Variants in TNIK observed in about 807,000 individuals in gnomAD.
The protein encoded by TNIK is TRAF2 and NCK-interacting protein kinase.
Under a neutral mutation model 191.3 loss-of-function variants are expected in TNIK, and 49 were observed. The ratio of observed to expected loss-of-function variants is 0.26; its 90% CI spans 0.20 to 0.32. TNIK has a LOEUF of 0.32. TNIK is among the 10% of genes least tolerant of loss of function. The probability of loss-of-function intolerance (pLI) is 1.00; values close to 1 mark genes in which losing one functional copy is unlikely to be tolerated. For synonymous variants in TNIK, 594 were observed against 600.9 expected, an observed-to-expected ratio of 0.99 and a Z score of 0.17; for missense variants, 1,155 against 1,702.3, an observed-to-expected ratio of 0.68 and a Z score of 5.66.
At chr3:171,228,658 T>C (rs554061825) in intron 2 of TNIK, among the ~76,000 whole-genome samples, 1 of 152,348 alleles carries the variant, frequency 6.6e-6, no homozygotes, top group East Asian at 1.9e-4. Context: ...GATTCTGCTA[T>C]AATTCACCTG....
At chr3:171,234,457 A>G (rs943293766) in intron 2 of TNIK, among the ~76,000 whole-genome samples, 1 of 152,176 alleles carries the variant, frequency 6.6e-6, no homozygotes, top group African/African-American at 2.4e-5. Flanking sequence ...ATGGTGCCCA[A>G]GCAATTACTC....
At chr3:171,160,723 CCAACAGGTGA>C (rs1733879797) in intron 11 of TNIK, among the ~76,000 whole-genome samples, 3 of 152,022 alleles carry the variant, frequency 2.0e-5, no homozygotes, top group Admixed American at 6.6e-5. Context: ...ATTCTGAGGT[CCAACAGGTGA>C]CAACAGGAAT....
At chr3:171,220,349 AC>A (rs538101278) in intron 3 of TNIK, among the ~76,000 whole-genome samples, 117 of 152,288 alleles carry the variant, frequency 7.7e-4, no homozygotes, top group Non-Finnish European at 4.1e-4. Context: ...TATGTAGCAA[AC>A]CTGCATGTTC....
chr3:171,139,378 G>GCGCGCACACACACACA (rs35492114), intron 14 of TNIK, 92 bp downstream of exon 14: 5 of 692,884 alleles, frequency 7.2e-6, no homozygotes, highest in African/African-American at 3.8e-5. Flanking sequence ...ACGCACGCGC[G>GCGCGCACACACACACA]CACACACACA....
intron 2 of TNIK, among the ~76,000 whole-genome samples, chr3:171,270,559 T>C (rs1748967947): frequency 6.6e-6 from 1 of 152,166 alleles, no homozygotes; most frequent in African/African-American, 2.4e-5. Flanking sequence ...GTAAAATTCG[T>C]CTCTAATCGC....
chr3:171,293,010 A>G (rs1751863118), intron 2 of TNIK, among the ~76,000 whole-genome samples: 1 of 152,002 alleles, frequency 6.6e-6, no homozygotes. Context: ...ACCCCACTAA[A>G]GTCCTTTTTT....
chr3:171,255,164 A>C (rs1746694782), intron 2 of TNIK, among the ~76,000 whole-genome samples: 1 of 152,208 alleles, frequency 6.6e-6, no homozygotes, highest in African/African-American at 2.4e-5. Context: ...ATGCTGATTC[A>C]ATTTAGACAA....
At chr3:171,437,859 C>T (rs1726215700) in intron 1 of TNIK, among the ~76,000 whole-genome samples, 2 of 152,220 alleles carry the variant, frequency 1.3e-5, no homozygotes, top group South Asian at 2.1e-4. Context: ...AATCTGAGGG[C>T]CTACAATGTG....
In TNIK at chr3:171,214,277, T is replaced by C. The variant is rs577455955; in HGVS notation, c.181-3036A>G. Reference sequence around the variant, plus strand: ...TCACAAAGAGTTCAGCCTCTCACAATATGGCCCATCAAGGGAGATGAGTTA... The same window carrying C: ...TCACAAAGAGTTCAGCCTCTCACAACATGGCCCATCAAGGGAGATGAGTTA... On this transcript the variant is annotated intron_variant, in intron 3 of 32. Transcript: ENST00000436636. Among the ~76,000 whole-genome samples the C allele has an allele frequency of 2.0e-5, 3 of 151,760 alleles. No homozygotes were observed. In the South Asian group the frequency reaches 6.3e-4, roughly 32 times the overall value.
At chr3:171,102,914 T>C (rs991610480) in intron 21 of TNIK, among the ~76,000 whole-genome samples, 6 of 152,182 alleles carry the variant, frequency 3.9e-5, no homozygotes, top group Non-Finnish European at 7.4e-5. Context: ...CAAAACATTG[T>C]TTCTCTACTG....
chr3:171,194,262 G>T (rs1460831828), intron 5 of TNIK, among the ~76,000 whole-genome samples: 1 of 152,110 alleles, frequency 6.6e-6, no homozygotes, highest in Non-Finnish European at 1.5e-5. Flanking sequence ...TGAATCCCTT[G>T]TTAAGAGAAA....
chr3:171,261,480 C>T (rs1383041682), intron 2 of TNIK, among the ~76,000 whole-genome samples: 1 of 152,146 alleles, frequency 6.6e-6, no homozygotes, highest in African/African-American at 2.4e-5. Context: ...AGAACCCCAG[C>T]AGGAATGATA....
At chr3:171,198,393 G>T (rs555192571) in intron 4 of TNIK, among the ~76,000 whole-genome samples, 2 of 152,138 alleles carry the variant, frequency 1.3e-5, no homozygotes, top group Non-Finnish European at 2.9e-5. Flanking sequence ...GGTGTAGGGG[G>T]TAACAGGAAT....
intron 2 of TNIK, among the ~76,000 whole-genome samples, chr3:171,342,721 A>G (rs541423703): frequency 3.9e-5 from 6 of 152,360 alleles, no homozygotes; most frequent in African/African-American, 1.2e-4. Context: ...CAAATCTCCT[A>G]TGCAGAAGAA....
At chr3:171,395,924 T>G (rs1720174226) in intron 1 of TNIK, among the ~76,000 whole-genome samples, 1 of 152,180 alleles carries the variant, frequency 6.6e-6, no homozygotes, top group Non-Finnish European at 1.5e-5. Context: ...CCTTGCTTTT[T>G]AAAAAACAGG....
chr3:171,342,192 G>A (rs566528204), intron 2 of TNIK, among the ~76,000 whole-genome samples: 1 of 152,310 alleles, frequency 6.6e-6, no homozygotes, highest in Admixed American at 6.5e-5. Flanking sequence ...TGGAGGGTTT[G>A]TTACCCACAA....
intron 21 of TNIK, among the ~76,000 whole-genome samples, chr3:171,104,679 T>G (rs189211999): frequency 2.4e-3 from 370 of 152,308 alleles, no homozygotes; most frequent in African/African-American, 8.2e-3. Flanking sequence ...ATTAGTTCAA[T>G]TTTTGAACTA....
In TNIK at chr3:171,231,317, G is replaced by GTTT. The variant is rs569192908; in HGVS notation, c.124-3099_124-3097dup. ...TTTGTTTTGTTGTTGTTGTTGTTTT[G>GTTT]TTTTTTTTTTTGTTTTTTTAAGTAG... On this transcript the variant is annotated intron_variant, in intron 2 of 32. Coordinates refer to ENST00000436636, the MANE Select transcript of TNIK (RefSeq NM_015028.4). Among the ~76,000 whole-genome samples the GTTT allele has an allele frequency of 5.5e-3, 763 of 139,948 alleles. 5 individuals are homozygous for GTTT. Among genetic ancestry groups the GTTT allele is most frequent in the Admixed American group, 0.013 (185 of 14,186 alleles). The allele number at this position is 139,948 out of a possible 152,430, so 91.8% of individuals were successfully genotyped here.
At chr3:171,069,333 G>T (rs1451689372) in intron 29 of TNIK, among the ~76,000 whole-genome samples, 2 of 152,102 alleles carry the variant, frequency 1.3e-5, no homozygotes, top group African/African-American at 4.8e-5. Flanking sequence ...TCTGAAGAAG[G>T]CCCAGTCACC....
Sources: gnomAD v4.1 joint callset for allele counts (sites outside exome capture counted in the v4.1 genomes callset) on GRCh38, gnomAD v4.1.1 for gene constraint, MANE v1.5 for transcripts, NCBI Gene and HGNC (gene_info 2026-07-23, HGNC 2026-07-21) for gene names.